PEX5: variants seen among roughly 807,000 people sequenced by gnomAD.
PEX5 encodes peroxisomal biogenesis factor 5, also known as PTS1 receptor.
In PEX5, 52 loss-of-function variants were observed where a neutral mutation model predicts 82.9. The observed-to-expected ratio is 0.63, with a 90% CI of 0.50 to 0.79. PEX5 has a LOEUF of 0.79. PEX5 is among the 30% of genes least tolerant of loss of function. The pLI, the probability that PEX5 is intolerant of heterozygous loss-of-function variation, is 0.00. For synonymous variants in PEX5, 300 were observed against 318.8 expected (o/e 0.94, Z 0.63); for missense variants, 719 against 815.2 (o/e 0.88, Z 1.44).
At chr12:7,199,801 C>G (rs1030941750) in intron 6 of PEX5, among the ~76,000 whole-genome samples, 4 of 150,390 alleles carry the variant, frequency 2.7e-5, no homozygotes, top group African/African-American at 9.8e-5. Context: ...GCGCCCCTCA[C>G]CTTCTGGACG....
At chr12:7,212,342 G>T (rs1026987459), downstream of PEX5, among the ~76,000 whole-genome samples, 88 of 151,488 alleles carry the variant, frequency 5.8e-4, no homozygotes, top group African/African-American at 2.1e-3. Flanking sequence ...GACCAGGCTG[G>T]TCTTGAACTC....
chr12:7,193,173 T>C (rs1227165667), intron 5 of PEX5, among the ~76,000 whole-genome samples: 1 of 151,958 alleles, frequency 6.6e-6, no homozygotes, highest in Non-Finnish European at 1.5e-5. Flanking sequence ...AAATACTTTG[T>C]GCAAAATCAT....
chr12:7,190,034 G>A, intron 1 of PEX5: 1 of 1,503,870 alleles, frequency 6.6e-7, no homozygotes, highest in Non-Finnish European at 8.8e-7. Flanking sequence ...TCGCCGTCCA[G>A]CCTGGTTGTT....
intron 1 of PEX5, chr12:7,190,014 T>A: frequency 6.6e-7 from 1 of 1,504,142 alleles, no homozygotes; most frequent in Non-Finnish European, 8.8e-7. Flanking sequence ...TGTCCCTTCT[T>A]CGGGCAGTGT....
At chr12:7,202,217 C>G in intron 7 of PEX5, 24 bp from the exon 8 acceptor site, 3 of 1,613,866 alleles carry the variant, frequency 1.9e-6, no homozygotes, top group South Asian at 2.2e-5. Context: ...TCCCAAGTGG[C>G]CTGTGTGTGT....
At chr12:7,200,807 G>A (rs749114831) in intron 6 of PEX5, among the ~76,000 whole-genome samples, 1 of 152,270 alleles carries the variant, frequency 6.6e-6, no homozygotes, top group Non-Finnish European at 1.5e-5. Context: ...GGAGAATCAG[G>A]CAGGGAGGTT....
rs1355750608 is a variant in PEX5, at chr12:7,190,213, A to G, written c.-16-149A>G. The G allele has an allele frequency of 1.4e-5, 22 of 1,573,802 alleles. No homozygotes were observed. Among genetic ancestry groups the G allele is most frequent in the Non-Finnish European group, 9.4e-6 (11 of 1,166,366 alleles). On this transcript the variant is annotated intron_variant, in intron 1 of 15. Transcript: ENST00000675855. ...TACCGACCTCCCTCGAACTCCTGGCAGAGGTGGGGGTCGCAGCAAAAGCAC... is the reference window on the plus strand; with the variant it reads ...TACCGACCTCCCTCGAACTCCTGGCGGAGGTGGGGGTCGCAGCAAAAGCAC...
At position 7,191,705 on chromosome 12, in the gene PEX5, A is replaced by G; in HGVS notation, c.448+5A>G. ...AATTCATCTCTGAAGTTACAGGTGAAACTTGTTATGGGAAAATCTATATTG... is the reference window on the plus strand; with the variant it reads ...AATTCATCTCTGAAGTTACAGGTGAGACTTGTTATGGGAAAATCTATATTG... On this transcript the variant is annotated splice_donor_5th_base_variant and intron_variant, in intron 5 of 15. Transcript: ENST00000675855. The G allele has an allele frequency of 6.2e-7, 1 of 1,613,208 alleles. No individual in the cohort carries two copies. Among genetic ancestry groups the G allele is most frequent in the Non-Finnish European group, 8.5e-7 (1 of 1,179,224 alleles).
At chr12:7,194,534 A>T (rs1277131701) in intron 5 of PEX5, among the ~76,000 whole-genome samples, 1 of 151,466 alleles carries the variant, frequency 6.6e-6, no homozygotes, top group Admixed American at 6.6e-5. Context: ...AAGCACCATC[A>T]TGATCAAGAT....
downstream of PEX5, among the ~76,000 whole-genome samples, chr12:7,216,189 A>G (rs1336430946): frequency 1.3e-5 from 2 of 152,146 alleles, no homozygotes; most frequent in Non-Finnish European, 2.9e-5. Context: ...GCTGGTCTTG[A>G]ACTCCTGACG....
Position 7,191,262 on chromosome 12 carries a change from CT to C in PEX5, c.222del (p.Val75CysfsTer57). On this transcript the variant is annotated frameshift_variant, in exon 4 of 16. Coordinates refer to ENST00000675855, the MANE Select transcript of PEX5 (RefSeq NM_001351132.2). LOFTEE classifies it high-confidence loss of function. Reference protein sequence around the residue: ...AEFLQDQNAPLVSRAPQTFKM... With the variant: ...AEFLQDQNAPXVSRAPQTFKM... ...ATTCCTGCAGGACCAGAATGCACCC[CT>C]TGTGTCCCGTGCCCCTCAGACCTTC... is the stretch of plus-strand genomic sequence containing the variant. 1 of 1,614,152 alleles carries C rather than the reference CT, an allele frequency of 6.2e-7. No homozygotes were observed. The highest frequency in any genetic ancestry group is 8.5e-7 in the Non-Finnish European group (1 of 1,180,008).
chr12:7,191,597 T>G lies in PEX5; in HGVS notation c.345T>G (p.Ser115=). 1 of 1,614,068 alleles carries G rather than the reference T, an allele frequency of 6.2e-7. No homozygotes were observed. The highest frequency in any genetic ancestry group is 8.5e-7 in the Non-Finnish European group (1 of 1,179,908). ...RAPGVADLAL[S]ENWAQEFLAA... ...CTGGTGTGGCAGACTTGGCCTTGTCTGAGAACTGGGCCCAGGAGTTTCTTG... is the reference window on the plus strand; with the variant it reads ...CTGGTGTGGCAGACTTGGCCTTGTCGGAGAACTGGGCCCAGGAGTTTCTTG... The change falls in exon 5 of 16, where the codon TCT becomes TCG. Residue 115 remains serine (S), a synonymous_variant. Transcript: ENST00000675855.
intron 5 of PEX5, among the ~76,000 whole-genome samples, chr12:7,197,456 G>GTAATAATTATATATGTTATATATAATA (rs1565689148): frequency 7.8e-5 from 9 of 114,732 alleles, no homozygotes; most frequent in East Asian, 4.5e-4. Flanking sequence ...TATATATAAT[G>GTAATAATTATATATGTTATATATAATA]TAATAATTAT....
rs752693758 is a variant in PEX5 at position 7,203,181 on chromosome 12, A to ATGCACTGCACTGCACTGCAC, written c.847-229_847-210dup. ...CTCAAACAAAAAACTAAACTAAACT[A>ATGCACTGCACTGCACTGCAC]TGCACTGCACTGCACTGCACTGCAC... is the stretch of plus-strand genomic sequence containing the variant. On this transcript the variant is annotated intron_variant, in intron 9 of 15. Coordinates refer to ENST00000675855, the MANE Select transcript of PEX5 (RefSeq NM_001351132.2). Among the ~76,000 whole-genome samples the ATGCACTGCACTGCACTGCAC allele has an allele frequency of 3.6e-5, 3 of 82,590 alleles. No homozygotes were observed. In the East Asian group the frequency reaches 1.1e-3, roughly 32 times the overall value. The allele number at this position is 82,590 out of a possible 152,430, so 54.2% of individuals were successfully genotyped here.
In PEX5 at chr12:7,190,446, C is replaced by T. The variant is rs976676879; in HGVS notation, c.69C>T (p.His23=). The T allele has an allele frequency of 1.9e-6, 3 of 1,614,120 alleles. No homozygotes were observed. The African/African-American group carries it at 4.0e-5, about 22-fold the overall frequency. ...ACCCGCTCATGAAGCTCGCCGGGCA[C>T]TTCACCCAGGACAAGGCCCTTCGGC... The part of the protein sequence containing the change: ...GANPLMKLAG[H]FTQDKALRQE... The change falls in exon 2 of 16, where the codon CAC becomes CAT. Residue 23 remains histidine, a synonymous_variant. Coordinates refer to ENST00000675855, the MANE Select transcript of PEX5 (RefSeq NM_001351132.2).
chr12:7,197,517 T>TTA (rs774934547), intron 5 of PEX5, among the ~76,000 whole-genome samples: 13,517 of 90,638 alleles, frequency 0.15, 2,244 homozygotes, highest in South Asian at 0.22. Context: ...AATGTAATAA[T>TTA]TATATGTTAT....
chr12:7,204,367 T>C (rs1251108166), intron 10 of PEX5, among the ~76,000 whole-genome samples: 2 of 152,190 alleles, frequency 1.3e-5, no homozygotes, highest in African/African-American at 4.8e-5. Context: ...ACCAGGGTGC[T>C]GGAGATGGAT....
intron 6 of PEX5, among the ~76,000 whole-genome samples, chr12:7,200,598 C>G (rs1488475810): frequency 5.9e-5 from 9 of 152,130 alleles, no homozygotes; most frequent in Admixed American, 3.3e-4. Flanking sequence ...AGCCTGGGCA[C>G]CATTGAGCAC....
chr12:7,190,810 C>A, intron 2 of PEX5, 78 bp from the exon 3 acceptor site: 1 of 1,403,288 alleles, frequency 7.1e-7, no homozygotes, highest in Non-Finnish European at 1.0e-6. Flanking sequence ...GAAGCCGAGG[C>A]TCAGATGCCT....
Sources: gnomAD v4.1 joint callset for allele counts (sites outside exome capture counted in the v4.1 genomes callset) on GRCh38, gnomAD v4.1.1 for gene constraint, MANE v1.5 for transcripts, NCBI Gene and HGNC (gene_info 2026-07-23, HGNC 2026-07-21) for gene names.